LZTS1: variants seen among roughly 807,000 people sequenced by gnomAD.
LZTS1 encodes the protein leucine zipper putative tumor suppressor 1.
LZTS1 carries 31 observed loss-of-function variants against 45.8 expected under a neutral mutation model. The observed-to-expected ratio is 0.68, with a 90% CI of 0.51 to 0.91. The LOEUF is 0.91. Ranked by LOEUF, LZTS1 falls within the 40% of genes least tolerant of loss-of-function variation. The pLI, the probability that LZTS1 is intolerant of heterozygous loss-of-function variation, is 0.00. For synonymous variants in LZTS1, 359 were observed against 357.3 expected, an observed-to-expected ratio of 1.00 and a Z score of -0.05; for missense variants, 821 against 788.9, an observed-to-expected ratio of 1.04 and a Z score of -0.49.
At chr8:20,251,314 A>G (rs1382755001) in intron 3 of LZTS1, among the ~76,000 whole-genome samples, 1 of 151,744 alleles carries the variant, frequency 6.6e-6, no homozygotes, top group African/African-American at 2.4e-5. Context: ...CCTTCGTGGC[A>G]TGAATACAGG....
rs1335964881 is a variant in LZTS1 at position 20,249,696 on chromosome 8, C to T, written c.*26G>A. The T allele has an allele frequency of 1.3e-6, 2 of 1,577,424 alleles. No homozygotes were observed. Among genetic ancestry groups the T allele is most frequent in the Admixed American group, 1.7e-5 (1 of 58,842 alleles). On this transcript the variant is annotated 3_prime_UTR_variant, in exon 4 of 4. Coordinates refer to ENST00000381569, the MANE Select transcript of LZTS1 (RefSeq NM_021020.5). ...AGCCCTGCCTCCCAGTGCCAGGTCC[C>T]CAGACTCGCCTTCCCAGGCAGCCCC...
intron 1 of LZTS1, among the ~76,000 whole-genome samples, chr8:20,276,263 CTGAT>C (rs1800581247): frequency 1.1e-5 from 1 of 89,808 alleles, no homozygotes; most frequent in Non-Finnish European, 2.5e-5. Flanking sequence ...TTTTTTTTGA[CTGAT>C]GGTTGGTAGC....
At chr8:20,284,085 T>C (rs973623157) in intron 1 of LZTS1, among the ~76,000 whole-genome samples, 5 of 152,178 alleles carry the variant, frequency 3.3e-5, no homozygotes, top group African/African-American at 9.7e-5. Flanking sequence ...TGCTTGGCCA[T>C]TGACTAGTTG....
intron 1 of LZTS1, among the ~76,000 whole-genome samples, chr8:20,275,511 T>C (rs953314894): frequency 7.0e-6 from 1 of 143,730 alleles, no homozygotes; most frequent in Non-Finnish European, 1.5e-5. Flanking sequence ...GGGCTGGGAG[T>C]TGGGGAAGGG....
At chr8:20,275,159 T>G (rs1800553730) in intron 1 of LZTS1, among the ~76,000 whole-genome samples, 2 of 152,252 alleles carry the variant, frequency 1.3e-5, no homozygotes, top group Admixed American at 6.5e-5. Context: ...CCCAGTACTT[T>G]GGGAGACTGA....
chr8:20,277,010 A>G (rs1208171104), intron 1 of LZTS1, among the ~76,000 whole-genome samples: 1 of 152,220 alleles, frequency 6.6e-6, no homozygotes, highest in African/African-American at 2.4e-5. Context: ...GCTGAGACCT[A>G]CTGGGCTGCA....
At chr8:20,303,300 G>T (rs1051516184) in intron 1 of LZTS1, among the ~76,000 whole-genome samples, 4 of 152,062 alleles carry the variant, frequency 2.6e-5, no homozygotes, top group African/African-American at 7.2e-5. Context: ...AAAGTTCCAG[G>T]CGGCGAAGTT....
chr8:20,262,578 A>G (rs1412420537), intron 1 of LZTS1, among the ~76,000 whole-genome samples: 1 of 152,168 alleles, frequency 6.6e-6, no homozygotes, highest in Non-Finnish European at 1.5e-5. Flanking sequence ...GTTTTGTAAA[A>G]TGATGCCCTT....
intron 1 of LZTS1, among the ~76,000 whole-genome samples, chr8:20,257,963 C>T (rs1054145039): frequency 3.4e-5 from 4 of 117,584 alleles, no homozygotes; most frequent in East Asian, 2.8e-4. Flanking sequence ...CGTGAGCCAC[C>T]GGACTGGGCA....
At chr8:20,270,827 GTGTGTT>G (rs1800458349) in intron 1 of LZTS1, among the ~76,000 whole-genome samples, 1 of 151,260 alleles carries the variant, frequency 6.6e-6, no homozygotes, top group African/African-American at 2.4e-5. Context: ...GTGTGTGTGT[GTGTGTT>G]TGTGTGTGTG....
At chr8:20,266,663 A>G (rs1800363271) in intron 1 of LZTS1, among the ~76,000 whole-genome samples, 1 of 152,238 alleles carries the variant, frequency 6.6e-6, no homozygotes, top group Non-Finnish European at 1.5e-5. Context: ...TCTGACAGCT[A>G]TGTACACCTA....
chr8:20,246,260 A>G lies in LZTS1; in HGVS notation c.*3462T>C, dbSNP rs1196106564. 6.6e-6 allele frequency: 1 copy of G among 152,640 alleles called. No homozygotes were observed. The highest frequency in any genetic ancestry group is 1.5e-5 in the Non-Finnish European group (1 of 68,046). The allele number at this position is 152,640 out of a possible 1,614,324, so 9.5% of individuals were successfully genotyped here. A position where few individuals can be genotyped will look rare whatever the true frequency, so the allele number is the denominator to read the frequency against. ...GCCAAAAAGTGACGTCAAAAATAAA[A>G]TGAAGCTGTCAAAAGCAAACCAAAC... On this transcript the variant is annotated 3_prime_UTR_variant, in exon 4 of 4. Transcript: ENST00000381569.
chr8:20,270,788 G>T (rs928862561), intron 1 of LZTS1, among the ~76,000 whole-genome samples: 1 of 142,008 alleles, frequency 7.0e-6, no homozygotes, highest in African/African-American at 2.7e-5. Flanking sequence ...TAGATGCACC[G>T]AGTGTGTCCT....
intron 1 of LZTS1, among the ~76,000 whole-genome samples, chr8:20,292,130 C>T (rs540086797): frequency 1.5e-4 from 23 of 152,348 alleles, no homozygotes; most frequent in South Asian, 1.5e-3. Flanking sequence ...AAGATGAAAA[C>T]GCCTGAGCGG....
chr8:20,294,767 T>C (rs1264841942), intron 1 of LZTS1, among the ~76,000 whole-genome samples: 1 of 151,856 alleles, frequency 6.6e-6, no homozygotes, highest in Non-Finnish European at 1.5e-5. Flanking sequence ...CCTGAGTGTG[T>C]AGATTGTCCT....
chr8:20,272,072 C>T lies in LZTS1; in HGVS notation c.-134-16757G>A, dbSNP rs527860869. On this transcript the variant is annotated intron_variant, in intron 1 of 3. Coordinates refer to ENST00000381569, the MANE Select transcript of LZTS1 (RefSeq NM_021020.5). ...TTATTGTGCACAGTCTCCATCAGGG[C>T]CCTGTAGGCATAGCACTGAGCAGAA... 2.0e-5 allele frequency among the ~76,000 whole-genome samples: 3 copies of T among 152,338 alleles called. No homozygotes were observed. The East Asian group carries it at 5.8e-4, about 29-fold the overall frequency.
chr8:20,284,647 C>T (rs1004275647), intron 1 of LZTS1, among the ~76,000 whole-genome samples: 1 of 152,114 alleles, frequency 6.6e-6, no homozygotes, highest in African/African-American at 2.4e-5. Context: ...CTAAGCCACA[C>T]TCTGTGGTTC....
intron 1 of LZTS1, among the ~76,000 whole-genome samples, chr8:20,278,537 C>T (rs1038955285): frequency 2.6e-5 from 4 of 152,220 alleles, no homozygotes; most frequent in African/African-American, 9.6e-5. Context: ...GTGCTTCACT[C>T]CATTTCATTC....
Position 20,292,183 on chromosome 8 carries a change from G to C in LZTS1, c.-135+11557C>G, listed in dbSNP as rs149600047. Among the ~76,000 whole-genome samples, 175 of 152,372 alleles carry C rather than the reference G, an allele frequency of 1.1e-3. 1 individual carries two copies. The highest frequency in any genetic ancestry group is 4.0e-3 in the African/African-American group (165 of 41,586). On this transcript the variant is annotated intron_variant, in intron 1 of 3. Coordinates refer to ENST00000381569, the MANE Select transcript of LZTS1 (RefSeq NM_021020.5). The stretch of plus-strand genomic sequence containing the variant: ...CTTCCAGAGGAAGGTGGGAGATGCT[G>C]TTCTGAGAGTTTCATGTCAGTAGGC...
Sources: allele counts gnomAD v4.1 joint callset (sites outside exome capture counted in the v4.1 genomes callset), GRCh38; gene constraint gnomAD v4.1.1; transcripts MANE v1.5; gene names NCBI Gene and HGNC (gene_info 2026-07-23, HGNC 2026-07-21).